PEAK1: variants seen among roughly 807,000 people sequenced by gnomAD.
PEAK1 encodes the protein inactive tyrosine-protein kinase PEAK1.
PEAK1 carries 54 observed loss-of-function variants against 124.7 expected under a neutral mutation model. That is an observed-to-expected ratio of 0.43 (90% CI 0.35 to 0.54). PEAK1 has a LOEUF of 0.54. PEAK1 is among the 20% of genes least tolerant of loss of function. The probability of loss-of-function intolerance (pLI) is 0.01; values close to 1 mark genes in which losing one functional copy is unlikely to be tolerated. For synonymous variants in PEAK1, 719 were observed against 760.0 expected (o/e 0.95, Z 0.89); for missense variants, 2,046 against 2,134.5 (o/e 0.96, Z 0.82).
Position 77,341,390 on chromosome 15 carries a change from C to T in PEAK1, c.-603+23773G>A, listed in dbSNP as rs2066522691. ...TGGCACGTGACTGTAATCCCAGCTC[C>T]TCGGGAGGCTGAGGCAGAAGAATCA... On this transcript the variant is annotated intron_variant, in intron 2 of 9. Transcript: ENST00000682557. Among the ~76,000 whole-genome samples, 4 of 152,086 alleles carry T rather than the reference C, an allele frequency of 2.6e-5. No individual in the cohort carries two copies. In the South Asian group the frequency reaches 8.3e-4, roughly 32 times the overall value.
chr15:77,311,320 G>A (rs1191903069), intron 2 of PEAK1, among the ~76,000 whole-genome samples: 1 of 152,138 alleles, frequency 6.6e-6, no homozygotes. Flanking sequence ...GGTCTAAAAG[G>A]CATTGGGAGT....
At chr15:77,271,651 A>T (rs139638280) in intron 5 of PEAK1, among the ~76,000 whole-genome samples, 25 of 152,312 alleles carry the variant, frequency 1.6e-4, no homozygotes, top group African/African-American at 5.8e-4. Flanking sequence ...TGAAGCTGGA[A>T]ACCATCATTC....
intron 8 of PEAK1, among the ~76,000 whole-genome samples, chr15:77,139,064 G>GGC (rs2053567853): frequency 2.0e-5 from 3 of 152,066 alleles, no homozygotes; most frequent in Non-Finnish European, 2.9e-5. Context: ...TTAAGATGAG[G>GGC]TCATTAGAGT....
At chr15:77,174,111 A>G (rs2056693403) in intron 7 of PEAK1, among the ~76,000 whole-genome samples, 2 of 152,232 alleles carry the variant, frequency 1.3e-5, no homozygotes, top group South Asian at 4.2e-4. Context: ...GTTTCCCCCT[A>G]TTTGTTCCAG....
intron 2 of PEAK1, among the ~76,000 whole-genome samples, chr15:77,299,629 G>T (rs889228718): frequency 7.2e-5 from 11 of 152,102 alleles, no homozygotes; most frequent in Non-Finnish European, 1.5e-4. Context: ...TAATCTTTAT[G>T]AATTTGAACA....
intron 9 of PEAK1, among the ~76,000 whole-genome samples, chr15:77,117,828 A>G (rs2051532751): frequency 6.6e-6 from 1 of 152,230 alleles, no homozygotes; most frequent in South Asian, 2.1e-4. Flanking sequence ...TTAGAAGCAG[A>G]GAAGGTATTC....
chr15:77,183,304 T>G (rs2057376789), intron 6 of PEAK1, among the ~76,000 whole-genome samples: 1 of 152,218 alleles, frequency 6.6e-6, no homozygotes, highest in African/African-American at 2.4e-5. Flanking sequence ...CTATGAAATG[T>G]GTGACACACA....
At chr15:77,419,707 T>G (rs1595902584) in intron 1 of PEAK1, 1 of 975,474 alleles carries the variant, frequency 1.0e-6, no homozygotes, top group Non-Finnish European at 1.2e-6. Context: ...TTCCTTCCTC[T>G]GGGGGGCGTC....
chr15:77,382,224 T>C (rs1431131725), intron 1 of PEAK1, among the ~76,000 whole-genome samples: 1 of 152,162 alleles, frequency 6.6e-6, no homozygotes, highest in African/African-American at 2.4e-5. Context: ...CCTGCCACCA[T>C]CAGGGCAAAG....
chr15:77,389,639 C>G (rs2070282359), intron 1 of PEAK1, among the ~76,000 whole-genome samples: 1 of 152,172 alleles, frequency 6.6e-6, no homozygotes, highest in South Asian at 2.1e-4. Flanking sequence ...GTCTTCAACT[C>G]AAGGACAGAG....
At chr15:77,331,874 C>G (rs1217605450) in intron 2 of PEAK1, among the ~76,000 whole-genome samples, 1 of 152,052 alleles carries the variant, frequency 6.6e-6, no homozygotes, top group East Asian at 2.0e-4. Context: ...CCTTGGCCTC[C>G]CAAAGTGCTG....
chr15:77,166,611 G>A (rs1243988188), intron 7 of PEAK1, among the ~76,000 whole-genome samples: 2 of 152,200 alleles, frequency 1.3e-5, no homozygotes, highest in Non-Finnish European at 1.5e-5. Flanking sequence ...AACTTACTAG[G>A]CAGGCTATTT....
chr15:77,257,620 G>C (rs963400725), intron 5 of PEAK1, among the ~76,000 whole-genome samples: 1 of 151,714 alleles, frequency 6.6e-6, no homozygotes, highest in Non-Finnish European at 1.5e-5. Flanking sequence ...TTAGATTCTG[G>C]ATATTAGCCC....
chr15:77,247,453 T>C (rs28824818), intron 6 of PEAK1, among the ~76,000 whole-genome samples: 2 of 150,822 alleles, frequency 1.3e-5, no homozygotes, highest in Admixed American at 6.6e-5. Flanking sequence ...ATGGGGTTTT[T>C]AATTTTTTTT....
intron 1 of PEAK1, among the ~76,000 whole-genome samples, chr15:77,376,226 C>T (rs1213542977): frequency 6.6e-6 from 1 of 151,976 alleles, no homozygotes; most frequent in African/African-American, 2.4e-5. Flanking sequence ...CTAACAAAGG[C>T]ACACAACAAA....
At chr15:77,258,768 T>C (rs1357270240) in intron 5 of PEAK1, among the ~76,000 whole-genome samples, 5 of 152,168 alleles carry the variant, frequency 3.3e-5, no homozygotes, top group Non-Finnish European at 7.3e-5. Context: ...CTATGTTGAA[T>C]AGGAGTGGTG....
At chr15:77,196,293 T>C (rs749598009) in intron 6 of PEAK1, among the ~76,000 whole-genome samples, 6 of 152,182 alleles carry the variant, frequency 3.9e-5, no homozygotes, top group Non-Finnish European at 1.5e-5. Flanking sequence ...CAAATGTTGT[T>C]AGCATTGGAG....
At chr15:77,148,784 A>T (rs1226878622) in intron 8 of PEAK1, among the ~76,000 whole-genome samples, 1 of 151,706 alleles carries the variant, frequency 6.6e-6, no homozygotes, top group Non-Finnish European at 1.5e-5. Context: ...TTAGCTGATC[A>T]TGTGGTGCAC....
rs918328252 is a variant in PEAK1 at position 77,334,573 on chromosome 15, T to C, written c.-603+30590A>G. On this transcript the variant is annotated intron_variant, in intron 2 of 9. Coordinates refer to ENST00000682557, the MANE Select transcript of PEAK1 (RefSeq NM_001385026.1). Reference sequence around the variant, plus strand: ...GTTCTCTATACCTCCATCAACTCGGTTCCTTTCATATTGTCTCTAGCATAA... The same window carrying C: ...GTTCTCTATACCTCCATCAACTCGGCTCCTTTCATATTGTCTCTAGCATAA... The C allele has an allele frequency of 7.6e-5, 75 of 985,382 alleles. 1 individual carries two copies. Among genetic ancestry groups the C allele is most frequent in the South Asian group, 4.7e-5 (1 of 21,286 alleles). 61.0% of individuals were successfully genotyped at this position (985,382 alleles called of 1,614,324 possible).
Sources: allele counts gnomAD v4.1 joint callset (sites outside exome capture counted in the v4.1 genomes callset), GRCh38; gene constraint gnomAD v4.1.1; transcripts MANE v1.5; gene names NCBI Gene and HGNC (gene_info 2026-07-23, HGNC 2026-07-21).